AKAP6: variants seen among roughly 807,000 people sequenced by gnomAD.
AKAP6 encodes the protein A-kinase anchor protein 6.
A neutral mutation model predicts 188.5 loss-of-function variants in AKAP6; 58 were observed. The observed-to-expected ratio is 0.31, with a 90% CI of 0.25 to 0.38. AKAP6 has a LOEUF of 0.38. AKAP6 is among the 10% of genes least tolerant of loss of function. The pLI is 1.00. For synonymous variants in AKAP6, 989 were observed against 998.6 expected (o/e 0.99, Z 0.18); for missense variants, 2,710 against 2,740.0 (o/e 0.99, Z 0.24).
At chr14:32,661,511 G>GT (rs1292613298) in intron 7 of AKAP6, among the ~76,000 whole-genome samples, 1 of 152,100 alleles carries the variant, frequency 6.6e-6, no homozygotes, top group Non-Finnish European at 1.5e-5. Context: ...GGAGCAGAGA[G>GT]TTTCGATTAA....
At chr14:32,715,382 G>C (rs2030136298) in intron 9 of AKAP6, among the ~76,000 whole-genome samples, 1 of 152,016 alleles carries the variant, frequency 6.6e-6, no homozygotes, top group African/African-American at 2.4e-5. Flanking sequence ...ATGGTGTGCT[G>C]TGGAGAACCA....
At chr14:32,480,186 A>G (rs148677648) in intron 2 of AKAP6, among the ~76,000 whole-genome samples, 89 of 152,304 alleles carry the variant, frequency 5.8e-4, no homozygotes, top group African/African-American at 1.9e-3. Flanking sequence ...CTTGACTGAG[A>G]GAAAAATACT....
chr14:32,739,099 A>G (rs572563443), intron 11 of AKAP6, among the ~76,000 whole-genome samples: 6 of 152,136 alleles, frequency 3.9e-5, no homozygotes, highest in Non-Finnish European at 8.8e-5. Context: ...AATAATTGTA[A>G]CAACCACACC....
At chr14:32,775,168 G>A (rs991474841) in intron 12 of AKAP6, among the ~76,000 whole-genome samples, 2 of 152,010 alleles carry the variant, frequency 1.3e-5, no homozygotes, top group Admixed American at 6.5e-5. Context: ...CTATTTAGCT[G>A]GCATGTTTTT....
Position 32,545,488 on chromosome 14 carries a change from G to A in AKAP6, c.835G>A (p.Ala279Thr). The A allele has an allele frequency of 1.2e-6, 2 of 1,614,204 alleles. No homozygotes were observed. Among genetic ancestry groups the A allele is most frequent in the Non-Finnish European group, 1.7e-6 (2 of 1,180,022 alleles). The stretch of plus-strand genomic sequence containing the variant: ...AAGTGTTGGTTTACTTACGGTAGCT[G>A]CTGACTCTATCTCTACCAATGGCAG... Reference protein sequence around the residue: ...IRSVGLLTVAADSISTNGSEA... With the variant: ...IRSVGLLTVATDSISTNGSEA... Residue 279 changes from alanine (A) to threonine (T), a missense_variant, in exon 4 of 14, where the codon GCT becomes ACT. Around this residue, in one of 2 missense-constraint regions of AKAP6, gnomAD observed 2,473 missense variants for 2,426.1 expected, o/e 1.02. Coordinates refer to ENST00000280979, the MANE Select transcript of AKAP6 (RefSeq NM_004274.5).
intron 9 of AKAP6, among the ~76,000 whole-genome samples, chr14:32,720,914 T>G (rs2030498390): frequency 6.6e-6 from 1 of 152,190 alleles, no homozygotes; most frequent in Admixed American, 6.5e-5. Flanking sequence ...TAGCTGTGTT[T>G]AGAGGTGTTT....
At chr14:32,599,191 G>T (rs1885822323) in intron 5 of AKAP6, among the ~76,000 whole-genome samples, 1 of 152,134 alleles carries the variant, frequency 6.6e-6, no homozygotes, top group African/African-American at 2.4e-5. Context: ...TGAATTTCTA[G>T]ATTTGTCAGC....
chr14:32,797,854 T>C (rs2033818532), intron 12 of AKAP6, among the ~76,000 whole-genome samples: 1 of 145,734 alleles, frequency 6.9e-6, no homozygotes, highest in African/African-American at 2.5e-5. Context: ...TGCAAAGATA[T>C]CATCATAACT....
intron 2 of AKAP6, among the ~76,000 whole-genome samples, chr14:32,446,324 C>G (rs535319150): frequency 6.6e-6 from 1 of 152,170 alleles, no homozygotes; most frequent in South Asian, 2.1e-4. Context: ...GGATTATGCT[C>G]TTTTATAATG....
At chr14:32,495,546 A>T (rs1320017505) in intron 2 of AKAP6, 1 of 152,198 alleles carries the variant, frequency 6.6e-6, no homozygotes, top group Non-Finnish European at 1.5e-5. Flanking sequence ...TCACTCCCTA[A>T]CTAGACAGTA....
At position 32,404,691 on chromosome 14, in the gene AKAP6, GATAT is replaced by G. The variant is rs55702209; in HGVS notation, c.-34-28752_-34-28749del. Among the ~76,000 whole-genome samples, 32 of 44,426 alleles carry G rather than the reference GATAT, an allele frequency of 7.2e-4. 6 individuals carry two copies. The highest frequency in any genetic ancestry group is 3.2e-3 in the Admixed American group (11 of 3,396). 29.1% of individuals were successfully genotyped at this position (44,426 alleles called of 152,430 possible). On this transcript the variant is annotated intron_variant, in intron 1 of 13. Coordinates refer to ENST00000280979, the MANE Select transcript of AKAP6 (RefSeq NM_004274.5). ...AGAGTGGGGTTATGAGGAGTCAGGAGATATATATATATATATATATTAGTCAGAA... is the reference window on the plus strand; with the variant it reads ...AGAGTGGGGTTATGAGGAGTCAGGAGATATATATATATATATTAGTCAGAA...
Position 32,811,021 on chromosome 14 carries a change from C to T in AKAP6, c.3589-10381C>T, listed in dbSNP as rs561803894. ...TTGGGAGGCTGAGGTGGGCAGATCA[C>T]GAGGTCAGGAGATCGAGACCATCCT... is the stretch of plus-strand genomic sequence containing the variant. On this transcript the variant is annotated intron_variant, in intron 12 of 13. Transcript: ENST00000280979. Among the ~76,000 whole-genome samples the T allele has an allele frequency of 5.9e-5, 9 of 151,966 alleles. No homozygotes were observed. The East Asian group carries it at 9.7e-4, about 16-fold the overall frequency.
At chr14:32,754,926 T>C (rs1227796490) in intron 11 of AKAP6, among the ~76,000 whole-genome samples, 2 of 152,250 alleles carry the variant, frequency 1.3e-5, no homozygotes, top group Non-Finnish European at 2.9e-5. Flanking sequence ...GCTTTCAATA[T>C]TCTCTCTTTG....
At chr14:32,449,390 T>C (rs1312313824) in intron 2 of AKAP6, among the ~76,000 whole-genome samples, 1 of 151,232 alleles carries the variant, frequency 6.6e-6, no homozygotes, top group African/African-American at 2.4e-5. Context: ...GGCATGGAGG[T>C]GCACGCCTCT....
At chr14:32,378,528 AGGAAAGT>A (rs1350857690) in intron 1 of AKAP6, among the ~76,000 whole-genome samples, 1 of 152,188 alleles carries the variant, frequency 6.6e-6, no homozygotes, top group Admixed American at 6.5e-5. Context: ...TCTGGAAGAG[AGGAAAGT>A]GGCTGAGGAC....
intron 2 of AKAP6, among the ~76,000 whole-genome samples, chr14:32,483,005 A>ATGTGTGTGTGTGGGTGTGTG (rs1435446426): frequency 1.8e-5 from 2 of 111,158 alleles, no homozygotes; most frequent in African/African-American, 5.1e-5. Flanking sequence ...ATATATATAT[A>ATGTGTGTGTGTGGGTGTGTG]TATATATGTA....
intron 6 of AKAP6, 91 bp downstream of exon 6, chr14:32,599,597 C>T (rs1256168631): frequency 3.4e-6 from 3 of 893,070 alleles, no homozygotes; most frequent in East Asian, 2.6e-5. Context: ...ATATTCACTT[C>T]CTTATGTATT....
intron 9 of AKAP6, among the ~76,000 whole-genome samples, chr14:32,698,955 T>C (rs1006272678): frequency 3.3e-5 from 5 of 152,146 alleles, no homozygotes; most frequent in Admixed American, 1.3e-4. Flanking sequence ...AAAACCTTTG[T>C]TCTTCTCTCC....
intron 1 of AKAP6, among the ~76,000 whole-genome samples, chr14:32,410,623 A>G (rs1026563595): frequency 4.0e-4 from 61 of 152,314 alleles, no homozygotes; most frequent in African/African-American, 1.4e-3. Context: ...GACTCTTTTC[A>G]TTGACATGTA....
Sources: gnomAD v4.1 joint callset for allele counts (sites outside exome capture counted in the v4.1 genomes callset) on GRCh38, gnomAD v4.1.1 for gene constraint, gnomAD v4.1.1 regional missense constraint, MANE v1.5 for transcripts, NCBI Gene and HGNC (gene_info 2026-07-23, HGNC 2026-07-21) for gene names.